SH3TC2: variants seen among roughly 807,000 people sequenced by gnomAD.
SH3TC2 encodes the protein SH3 domain and tetratricopeptide repeat-containing protein 2.
A neutral mutation model predicts 124.5 loss-of-function variants in SH3TC2; 87 were observed. The observed-to-expected ratio is 0.70, with a 90% CI of 0.59 to 0.84. SH3TC2 has a LOEUF of 0.84. Among genes scored for constraint, SH3TC2 ranks in the 40% least tolerant of loss-of-function variants. SH3TC2 has a pLI of 0.00. For synonymous variants in SH3TC2, 634 were observed against 628.5 expected, an observed-to-expected ratio of 1.01 and a Z score of -0.13; for missense variants, 1,536 against 1,566.4, an observed-to-expected ratio of 0.98 and a Z score of 0.33.
At chr5:149,015,547 A>G (rs943592574) in intron 12 of SH3TC2, among the ~76,000 whole-genome samples, 1 of 152,152 alleles carries the variant, frequency 6.6e-6, no homozygotes, top group African/African-American at 2.4e-5. Flanking sequence ...GTGTTCCGGC[A>G]TGTTATCTCC....
At chr5:149,058,840 G>A (rs1754697222) in intron 1 of SH3TC2, among the ~76,000 whole-genome samples, 1 of 152,232 alleles carries the variant, frequency 6.6e-6, no homozygotes, top group East Asian at 1.9e-4. Context: ...GGTGAGGTGT[G>A]AAATATTCTT....
rs1022803425 is a variant in SH3TC2 at position 148,983,663 on chromosome 5, CCT to C, written c.*21046_*21047del. On this transcript the variant is annotated 3_prime_UTR_variant, in exon 17 of 17. Transcript: ENST00000515425. ...CCCCCTACCCCGCACCCCATTAGCC[CCT>C]GTCTGTGTTCTCTAGCCCTGAATTC... Among the ~76,000 whole-genome samples, 2 of 152,158 alleles carry C rather than the reference CCT, an allele frequency of 1.3e-5. No individual in the cohort carries two copies. The highest frequency in any genetic ancestry group is 4.8e-5 in the African/African-American group (2 of 41,440).
rs544431203 is a variant in SH3TC2, at chr5:148,982,254, G to A, written c.*22457C>T. 2.8e-4 allele frequency among the ~76,000 whole-genome samples: 42 copies of A among 152,128 alleles called. No homozygotes were observed. The highest frequency in any genetic ancestry group is 2.5e-3 in the South Asian group (12 of 4,820). On this transcript the variant is annotated 3_prime_UTR_variant, in exon 17 of 17. Coordinates refer to ENST00000515425, the MANE Select transcript of SH3TC2 (RefSeq NM_024577.4). ...GACAACATTAGTAACTGGCTGTGTT[G>A]GGGAGGGCCTGAGGAAAAAGGCACT...
rs961906381 is a variant in SH3TC2 at position 148,985,510 on chromosome 5, G to A, written c.*19201C>T. Among the ~76,000 whole-genome samples the A allele has an allele frequency of 6.6e-6, 1 of 152,128 alleles. No individual in the cohort carries two copies. The highest frequency in any genetic ancestry group is 2.4e-5 in the African/African-American group (1 of 41,428). On this transcript the variant is annotated 3_prime_UTR_variant, in exon 17 of 17. Transcript: ENST00000515425. ...CTCTAATTAGCATAATGCATTTGAT[G>A]TAACTCCAAGTTGTTGCATGTATTG...
intron 12 of SH3TC2, among the ~76,000 whole-genome samples, chr5:149,025,577 A>G (rs1157357091): frequency 6.6e-6 from 1 of 152,246 alleles, no homozygotes; most frequent in African/African-American, 2.4e-5. Flanking sequence ...GTGAACTTGA[A>G]GATCTTGCAA....
intron 12 of SH3TC2, among the ~76,000 whole-genome samples, chr5:149,016,786 G>C (rs946960186): frequency 2.9e-4 from 44 of 152,070 alleles, no homozygotes; most frequent in Non-Finnish European, 6.0e-4. Context: ...TTAGCCGGGC[G>C]TGGTGGCGGG....
chr5:149,051,685 C>T (rs1754559957), intron 2 of SH3TC2, among the ~76,000 whole-genome samples: 1 of 152,130 alleles, frequency 6.6e-6, no homozygotes, highest in Non-Finnish European at 1.5e-5. Flanking sequence ...AACTCCTGGG[C>T]TCAAGTGATC....
intron 1 of SH3TC2, among the ~76,000 whole-genome samples, chr5:149,059,549 A>G (rs763947675): frequency 8.6e-5 from 13 of 151,082 alleles, no homozygotes; most frequent in Non-Finnish European, 1.5e-4. Context: ...AGCAGTTTTT[A>G]TGATGTAAAC....
chr5:149,007,044 C>T lies in SH3TC2; in HGVS notation c.3512G>A (p.Arg1171His), dbSNP rs200728983. ...CAGGGAGTAGTACACTGTAGCCAGGCGGTGAAAGGCCACCAGCTCTTGCCT... is the reference window on the plus strand; with the variant it reads ...CAGGGAGTAGTACACTGTAGCCAGGTGGTGAAAGGCCACCAGCTCTTGCCT... ...DQRQELVAFH[R>H]LATVYYSLHM... The change falls in exon 16 of 17, where the codon CGC becomes CAC. Residue 1171 changes from arginine to histidine, a missense_variant. This residue lies in a region of SH3TC2 where 426 missense variants were observed against 443.5 expected (regional missense o/e 0.96). Coordinates refer to ENST00000515425, the MANE Select transcript of SH3TC2 (RefSeq NM_024577.4). 1.9e-5 allele frequency: 31 copies of T among 1,614,118 alleles called. No individual in the cohort carries two copies. The highest frequency in any genetic ancestry group is 7.7e-5 in the South Asian group (7 of 91,078).
At chr5:149,014,859 A>G (rs1753844344) in intron 12 of SH3TC2, among the ~76,000 whole-genome samples, 1 of 151,942 alleles carries the variant, frequency 6.6e-6, no homozygotes, top group Non-Finnish European at 1.5e-5. Context: ...GGCCTCCACA[A>G]CTCTCCTCAC....
At chr5:149,030,718 T>C (rs1754176254) in intron 9 of SH3TC2, among the ~76,000 whole-genome samples, 1 of 152,370 alleles carries the variant, frequency 6.6e-6, no homozygotes, top group East Asian at 1.9e-4. Context: ...GGAGATGGCC[T>C]GAGGGCCCCT....
intron 4 of SH3TC2, 198 bp downstream of exon 4, chr5:149,044,334 TA>T (rs1754421247): frequency 1.8e-6 from 1 of 541,372 alleles, no homozygotes; most frequent in Non-Finnish European, 3.3e-6. Flanking sequence ...AACTTCTTCA[TA>T]CGGCATTTTA....
chr5:148,996,267 G>C lies in SH3TC2; in HGVS notation c.*8444C>G, dbSNP rs1333895521. On this transcript the variant is annotated 3_prime_UTR_variant, in exon 17 of 17. Transcript: ENST00000515425. ...AGAGTGAGACCCTGCCTAAATAAGAGAGAAAGAGAGAGAGAGAGAGAAACA... is the reference window on the plus strand; with the variant it reads ...AGAGTGAGACCCTGCCTAAATAAGACAGAAAGAGAGAGAGAGAGAGAAACA... Among the ~76,000 whole-genome samples the C allele has an allele frequency of 1.3e-5, 2 of 151,740 alleles. No individual in the cohort carries two copies. The highest frequency in any genetic ancestry group is 4.2e-4 in the South Asian group (2 of 4,812).
chr5:149,043,279 G>A (rs1754402732), intron 4 of SH3TC2, among the ~76,000 whole-genome samples: 1 of 152,096 alleles, frequency 6.6e-6, no homozygotes, highest in African/African-American at 2.4e-5. Flanking sequence ...CCCCCTCAGT[G>A]AATTTCAGGA....
rs1382071537 is a variant in SH3TC2, at chr5:149,004,542, T to G, written c.*169A>C. On this transcript the variant is annotated 3_prime_UTR_variant, in exon 17 of 17. Coordinates refer to ENST00000515425, the MANE Select transcript of SH3TC2 (RefSeq NM_024577.4). ...TCTCATCGCTGCACCATCAAATCTTTCTGTGGCCTGCAATGAGCCCTTCTC... is the reference window on the plus strand; with the variant it reads ...TCTCATCGCTGCACCATCAAATCTTGCTGTGGCCTGCAATGAGCCCTTCTC... 1.4e-6 allele frequency: 1 copy of G among 695,508 alleles called. No individual in the cohort carries two copies. Among genetic ancestry groups the G allele is most frequent in the African/African-American group, 1.8e-5 (1 of 55,480 alleles). 43.1% of individuals were successfully genotyped at this position (695,508 alleles called of 1,614,324 possible). A position where few individuals can be genotyped will look rare whatever the true frequency, so the allele number is the denominator to read the frequency against.
rs1753394781 is a variant in SH3TC2 at position 148,989,867 on chromosome 5, T to A, written c.*14844A>T. Among the ~76,000 whole-genome samples the A allele has an allele frequency of 6.6e-6, 1 of 152,106 alleles. No homozygotes were observed. The highest frequency in any genetic ancestry group is 1.5e-5 in the Non-Finnish European group (1 of 68,010). On this transcript the variant is annotated 3_prime_UTR_variant, in exon 17 of 17. Coordinates refer to ENST00000515425, the MANE Select transcript of SH3TC2 (RefSeq NM_024577.4). ...CCAGGACATTTGGGAAATGTCCCTA[T>A]GAATCAATCCACCTGCACTGGGGAA...
chr5:149,042,888 C>T (rs1432889186), intron 4 of SH3TC2, 51 bp from the exon 5 acceptor site: 13 of 1,609,632 alleles, frequency 8.1e-6, no homozygotes, highest in Non-Finnish European at 1.1e-5. Flanking sequence ...TCTGACATAG[C>T]TGAGCACAGA....
At position 149,027,937 on chromosome 5, in the gene SH3TC2, G is replaced by A. The variant is rs772973083; in HGVS notation, c.1795C>T (p.Leu599=). 6.2e-7 allele frequency: 1 copy of A among 1,614,116 alleles called. No individual in the cohort carries two copies. The highest frequency in any genetic ancestry group is 8.5e-7 in the Non-Finnish European group (1 of 1,180,048). The change falls in exon 11 of 17, where the codon CTG becomes TTG. Residue 599 remains leucine (L), a synonymous_variant. Coordinates refer to ENST00000515425, the MANE Select transcript of SH3TC2 (RefSeq NM_024577.4). The stretch of plus-strand genomic sequence containing the variant: ...GACTCACGGTCAGGCAGGCAGGCCA[G>A]CAGGGCACCTGCCTTTTCCAACAGG... The part of the protein sequence containing the change: ...SALLEKAGAL[L]ACLPDRESSA...
At chr5:149,022,794 A>G (rs1360474467) in intron 12 of SH3TC2, among the ~76,000 whole-genome samples, 2 of 152,222 alleles carry the variant, frequency 1.3e-5, no homozygotes, top group Admixed American at 6.5e-5. Context: ...ACACAAAAGG[A>G]CAAATACTGT....
Sources: gnomAD v4.1 joint callset for allele counts (sites outside exome capture counted in the v4.1 genomes callset) on GRCh38, gnomAD v4.1.1 for gene constraint, gnomAD v4.1.1 regional missense constraint, MANE v1.5 for transcripts, NCBI Gene and HGNC (gene_info 2026-07-23, HGNC 2026-07-21) for gene names.